Variants in HSD17B4 observed in about 807,000 individuals in gnomAD.
The protein encoded by HSD17B4 is hydroxysteroid 17-beta dehydrogenase 4, also known as peroxisomal multifunctional enzyme type 2.
A neutral mutation model predicts 101.0 loss-of-function variants in HSD17B4; 70 were observed. The ratio of observed to expected loss-of-function variants is 0.69; its 90% CI spans 0.57 to 0.85. The LOEUF is 0.85. HSD17B4 is among the 40% of genes least tolerant of loss of function. HSD17B4 has a pLI of 0.00. For missense variants in HSD17B4, 984 were observed against 892.4 expected (o/e 1.10, Z -1.31); for synonymous variants, 347 against 297.1 (o/e 1.17, Z -1.73).
chr5:119,518,286 TGCAGCTTCACTCCTGAGCCAGCGAGACC>T (rs1486616047), intron 17 of HSD17B4, among the ~76,000 whole-genome samples: 4 of 151,652 alleles, frequency 2.6e-5, no homozygotes, highest in Non-Finnish European at 5.9e-5. Flanking sequence ...CGCGAAGGTC[TGCAGCTTCACTCCTGAGCCAGCGAGACC>T]ACGAACCCAC....
intron 13 of HSD17B4, 75 bp downstream of exon 13, chr5:119,499,628 A>T (rs1298964159): frequency 1.2e-6 from 1 of 827,394 alleles, no homozygotes; most frequent in African/African-American, 1.7e-5. Context: ...TATCTTATAT[A>T]TATGTGTGTG....
At chr5:119,497,919 T>G (rs1750796424) in intron 12 of HSD17B4, among the ~76,000 whole-genome samples, 1 of 152,202 alleles carries the variant, frequency 6.6e-6, no homozygotes, top group African/African-American at 2.4e-5. Flanking sequence ...TTCTGACTCT[T>G]TAGAAAAGGA....
At chr5:119,474,502 A>C (rs957719971) in intron 4 of HSD17B4, 42 bp downstream of exon 4, 1 of 1,152,748 alleles carries the variant, frequency 8.7e-7, no homozygotes, top group Non-Finnish European at 1.3e-6. Context: ...AGCAACTTCT[A>C]CCTTCCTAAT....
intron 23 of HSD17B4, among the ~76,000 whole-genome samples, chr5:119,539,578 TATA>T (rs1229103179): frequency 6.6e-6 from 1 of 150,856 alleles, no homozygotes. Flanking sequence ...GAACTTAAAG[TATA>T]ATAATAATAA....
chr5:119,487,800 T>A (rs1342023197), intron 8 of HSD17B4, among the ~76,000 whole-genome samples: 2 of 152,112 alleles, frequency 1.3e-5, no homozygotes, highest in Admixed American at 6.6e-5. Context: ...GTATGGGAAA[T>A]TAGAGGAATG....
intron 9 of HSD17B4, among the ~76,000 whole-genome samples, chr5:119,491,543 C>T (rs772762689): frequency 2.2e-4 from 33 of 149,412 alleles, no homozygotes; most frequent in Non-Finnish European, 3.8e-4. Flanking sequence ...TTCTGGGTAG[C>T]AGTTATTATT....
chr5:119,518,752 A>T (rs1752865214), intron 17 of HSD17B4, among the ~76,000 whole-genome samples: 1 of 152,308 alleles, frequency 6.6e-6, no homozygotes. Flanking sequence ...AATCATTAAG[A>T]AAACTGGCAA....
chr5:119,481,910 AT>A lies in HSD17B4; in HGVS notation c.622+2897del, dbSNP rs147530045. On this transcript the variant is annotated intron_variant, in intron 8 of 23. Coordinates refer to ENST00000510025, the MANE Select transcript of HSD17B4 (RefSeq NM_000414.4). ...ATCCTTATTCCTCTATAGGTAAGGCATTTTTTTTCCCCCTCTGTCTTCTTCC... is the reference window on the plus strand; with the variant it reads ...ATCCTTATTCCTCTATAGGTAAGGCATTTTTTTCCCCCTCTGTCTTCTTCC... 6.8e-3 allele frequency among the ~76,000 whole-genome samples: 1,028 copies of A among 151,940 alleles called. 12 individuals are homozygous for A. The highest frequency in any genetic ancestry group is 0.047 in the South Asian group (227 of 4,802).
intron 8 of HSD17B4, among the ~76,000 whole-genome samples, chr5:119,486,096 C>T (rs1749587729): frequency 1.3e-5 from 2 of 152,160 alleles, no homozygotes; most frequent in African/African-American, 4.8e-5. Context: ...CTCAGTTTCT[C>T]ACCATGTGGC....
chr5:119,488,889 A>G (rs1442517956), intron 8 of HSD17B4, among the ~76,000 whole-genome samples: 3 of 152,128 alleles, frequency 2.0e-5, no homozygotes, highest in Non-Finnish European at 4.4e-5. Flanking sequence ...TGTTAAATAC[A>G]GTTTTGCTCA....
At chr5:119,474,841 A>T (rs982014284) in intron 4 of HSD17B4, among the ~76,000 whole-genome samples, 4 of 152,186 alleles carry the variant, frequency 2.6e-5, no homozygotes, top group Non-Finnish European at 5.9e-5. Context: ...AAAATAATCC[A>T]ATATCTTGCA....
rs115843842 is a variant in HSD17B4, at chr5:119,482,356, G to A, written c.622+3335G>A. ...GCTTAAAGTAACCATCTGTTCTTGT[G>A]TATTATCCACTTTTTCCATTAGAGC... is the stretch of plus-strand genomic sequence containing the variant. On this transcript the variant is annotated intron_variant, in intron 8 of 23. Coordinates refer to ENST00000510025, the MANE Select transcript of HSD17B4 (RefSeq NM_000414.4). 4.5e-3 allele frequency among the ~76,000 whole-genome samples: 683 copies of A among 151,886 alleles called. 4 individuals carry two copies. The highest frequency in any genetic ancestry group is 0.015 in the African/African-American group (642 of 41,460).
chr5:119,473,994 G>A lies in HSD17B4; in HGVS notation c.199G>A (p.Gly67Arg). The A allele has an allele frequency of 6.2e-7, 1 of 1,602,800 alleles. No homozygotes were observed. Among genetic ancestry groups the A allele is most frequent in the Non-Finnish European group, 8.5e-7 (1 of 1,170,186 alleles). The change falls in exon 3 of 24, where the codon GGA (glycine) becomes AGA (arginine). Residue 67 changes from glycine to arginine, a missense_variant. Physicochemically the swap from Gly to Arg is moderately radical, Grantham distance 125. Coordinates refer to ENST00000510025, the MANE Select transcript of HSD17B4 (RefSeq NM_000414.4). ...TGTTGAAGAAATAAGAAGGAGAGGTGGAAAAGCAGTGGCCAACTATGGTAT... is the reference window on the plus strand; with the variant it reads ...TGTTGAAGAAATAAGAAGGAGAGGTAGAAAAGCAGTGGCCAACTATGGTAT... ...KVVEEIRRRG[G>R]KAVANYDSVE... is the part of the protein sequence containing the mutation.
chr5:119,485,552 C>CT (rs765694222), intron 8 of HSD17B4, among the ~76,000 whole-genome samples: 1 of 151,898 alleles, frequency 6.6e-6, no homozygotes, highest in East Asian at 1.9e-4. Context: ...TTTTCTTACT[C>CT]TTTTATAGTT....
intron 2 of HSD17B4, chr5:119,456,651 G>T (rs1437571459): frequency 8.8e-6 from 4 of 453,834 alleles, no homozygotes; most frequent in Non-Finnish European, 1.6e-5. Flanking sequence ...GGAGGCTGAG[G>T]TGGGAGGATC....
At chr5:119,467,741 A>G (rs1335826441) in intron 2 of HSD17B4, among the ~76,000 whole-genome samples, 1 of 152,230 alleles carries the variant, frequency 6.6e-6, no homozygotes, top group East Asian at 1.9e-4. Flanking sequence ...TACTTTTTGT[A>G]TACGTGGGTT....
intron 16 of HSD17B4, among the ~76,000 whole-genome samples, chr5:119,512,864 G>A (rs1299370987): frequency 6.6e-6 from 1 of 152,130 alleles, no homozygotes; most frequent in Non-Finnish European, 1.5e-5. Flanking sequence ...TGGCTATAGG[G>A]TTTTCTTTTG....
At chr5:119,463,261 G>A (rs1356225000) in intron 2 of HSD17B4, among the ~76,000 whole-genome samples, 1 of 152,122 alleles carries the variant, frequency 6.6e-6, no homozygotes, top group African/African-American at 2.4e-5. Flanking sequence ...ATCTGTTGAT[G>A]AACGCTTAGG....
intron 16 of HSD17B4, among the ~76,000 whole-genome samples, chr5:119,511,026 C>T (rs1426139528): frequency 1.3e-5 from 2 of 152,296 alleles, no homozygotes; most frequent in African/African-American, 4.8e-5. Flanking sequence ...CCCTAGCTTT[C>T]CCGTAGCGTG....
Sources: allele counts gnomAD v4.1 joint callset (sites outside exome capture counted in the v4.1 genomes callset), GRCh38; gene constraint gnomAD v4.1.1; transcripts MANE v1.5; gene names NCBI Gene and HGNC (gene_info 2026-07-23, HGNC 2026-07-21).